CEBPZ: variants seen among roughly 807,000 people sequenced by gnomAD.
CEBPZ encodes the protein CCAAT enhancer binding protein zeta.
In CEBPZ, 78 loss-of-function variants were observed where a neutral mutation model predicts 104.5. That is an observed-to-expected ratio of 0.75 (90% confidence interval 0.62 to 0.90). The LOEUF (loss-of-function observed/expected upper bound fraction) is 0.90. Ranked by LOEUF, CEBPZ falls within the 40% of genes least tolerant of loss-of-function variation. The probability of loss-of-function intolerance (pLI) is 0.00; values close to 1 mark genes in which losing one functional copy is unlikely to be tolerated. For synonymous variants in CEBPZ, 470 were observed against 427.0 expected, an observed-to-expected ratio of 1.10 and a Z score of -1.24; for missense variants, 1,439 against 1,233.5, an observed-to-expected ratio of 1.17 and a Z score of -2.50.
intron 13 of CEBPZ, 97 bp downstream of exon 13, chr2:37,210,902 T>G: frequency 1.5e-6 from 1 of 653,208 alleles, no homozygotes. Context: ...ACCCCTGAAT[T>G]TTATTAATCA....
At chr2:37,221,590 C>A (rs974638749) in intron 4 of CEBPZ, among the ~76,000 whole-genome samples, 3 of 152,154 alleles carry the variant, frequency 2.0e-5, no homozygotes, top group African/African-American at 7.2e-5. Flanking sequence ...AAAGATTTTT[C>A]AGAACAAACT....
chr2:37,213,351 A>T (rs1677785660), intron 10 of CEBPZ: 1 of 153,388 alleles, frequency 6.5e-6, no homozygotes, highest in African/African-American at 2.4e-5. Flanking sequence ...TCCAAAGCAC[A>T]AATCATGTAT....
At position 37,227,947 on chromosome 2, in the gene CEBPZ, T is replaced by C. The variant is rs1664931129; in HGVS notation, c.1246A>G (p.Met416Val). Residue 416 changes from methionine to valine, a missense_variant, in exon 2 of 16, where the codon ATG becomes GTG. Physicochemically the swap from Met to Val is conservative, Grantham distance 21. Coordinates refer to ENST00000234170, the MANE Select transcript of CEBPZ (RefSeq NM_005760.3). ...ACTTCACCAGACACAACTCCTTTCA[T>C]ATTGGGATGTTTACAAAGTAATGTC... ...LETLLCKHPNMKGVVSGEVER... is the reference protein window; with the variant it reads ...LETLLCKHPNVKGVVSGEVER... 1 of 1,614,202 alleles carries C rather than the reference T, an allele frequency of 6.2e-7. No individual in the cohort carries two copies. Among genetic ancestry groups the C allele is most frequent in the South Asian group, 1.1e-5 (1 of 91,084 alleles).
intron 2 of CEBPZ, among the ~76,000 whole-genome samples, chr2:37,224,330 A>T (rs1041358762): frequency 1.3e-5 from 2 of 152,254 alleles, no homozygotes; most frequent in African/African-American, 4.8e-5. Context: ...ACCTGCAGAT[A>T]TTAGGACACC....
chr2:37,206,304 CA>C (rs1460921515), intron 13 of CEBPZ, among the ~76,000 whole-genome samples: 1 of 152,224 alleles, frequency 6.6e-6, no homozygotes, highest in African/African-American at 2.4e-5. Flanking sequence ...GCTGAGAATT[CA>C]CCACTACCAA....
In CEBPZ at chr2:37,223,359, A is replaced by T. The variant is rs367765138; in HGVS notation, c.1692T>A (p.Ala564=). The T allele has an allele frequency of 6.2e-7, 1 of 1,614,182 alleles. No homozygotes were observed. Among genetic ancestry groups the T allele is most frequent in the South Asian group, 1.1e-5 (1 of 91,070 alleles). The part of the protein sequence containing the change: ...DPGLMTCSKQ[A]MFLNLVYKSL... ...ATTTGTAGACAAGGTTAAGAAACATAGCTTGCTTGGAACACGTCATCAACC... is the reference window on the plus strand; with the variant it reads ...ATTTGTAGACAAGGTTAAGAAACATTGCTTGCTTGGAACACGTCATCAACC... Residue 564 remains alanine, a synonymous_variant, in exon 3 of 16, where the codon GCT becomes GCA. Transcript: ENST00000234170.
intron 6 of CEBPZ, 73 bp downstream of exon 6, chr2:37,216,910 TA>T: frequency 8.2e-7 from 1 of 1,213,506 alleles, no homozygotes; most frequent in Non-Finnish European, 1.2e-6. Context: ...GAAAACACTG[TA>T]TGACCAATTA....
chr2:37,222,452 T>C lies in CEBPZ; in HGVS notation c.1993A>G (p.Thr665Ala), dbSNP rs767579496. The change falls in exon 4 of 16, where the codon ACA becomes GCA. Residue 665 changes from threonine (T) to alanine (A), a missense_variant. Coordinates refer to ENST00000234170, the MANE Select transcript of CEBPZ (RefSeq NM_005760.3). Reference sequence around the variant, plus strand: ...GTTTCTACATCAGTTTCAGGAACTGTTTCCTCTGTCTCAAGTTTTTTCACT... The same window carrying C: ...GTTTCTACATCAGTTTCAGGAACTGCTTCCTCTGTCTCAAGTTTTTTCACT... ...EIVKKLETEE[T>A]VPETDVETKK... 7 of 1,611,300 alleles carry C rather than the reference T, an allele frequency of 4.3e-6. No homozygotes were observed. The highest frequency in any genetic ancestry group is 1.7e-6 in the Non-Finnish European group (2 of 1,179,228).
At chr2:37,216,627 T>C (rs1283070433) in intron 6 of CEBPZ, among the ~76,000 whole-genome samples, 1 of 152,244 alleles carries the variant, frequency 6.6e-6, no homozygotes, top group South Asian at 2.1e-4. Context: ...GGATGTAATG[T>C]TGATTTGATG....
chr2:37,213,666 G>A (rs947893561), intron 10 of CEBPZ, 198 bp downstream of exon 10: 2 of 451,840 alleles, frequency 4.4e-6, no homozygotes, highest in South Asian at 2.6e-5. Context: ...TTCCTGCCTC[G>A]GCCTGCCAAA....
intron 12 of CEBPZ, 63 bp from the exon 13 acceptor site, chr2:37,211,145 C>A (rs1572497891): frequency 1.9e-6 from 2 of 1,064,524 alleles, no homozygotes; most frequent in South Asian, 1.4e-5. Flanking sequence ...AAATATTACT[C>A]CAAGATATGC....
Position 37,214,966 on chromosome 2 carries a change from T to A in CEBPZ, c.2381-14A>T. The A allele has an allele frequency of 1.3e-6, 2 of 1,546,468 alleles. No homozygotes were observed. The highest frequency in any genetic ancestry group is 1.4e-5 in the African/African-American group (1 of 73,658). ...CCTTACTGTTCACTACAAAAATAAA[T>A]TTAAACATTTTAACTTCATATAGCA... On this transcript the variant is annotated splice_polypyrimidine_tract_variant and intron_variant, in intron 8 of 15. Coordinates refer to ENST00000234170, the MANE Select transcript of CEBPZ (RefSeq NM_005760.3).
At chr2:37,210,950 C>T (rs1355110317) in intron 13 of CEBPZ, 49 bp downstream of exon 13, 4 of 1,316,620 alleles carry the variant, frequency 3.0e-6, no homozygotes, top group South Asian at 1.3e-5. Context: ...GATAATGACA[C>T]CTTTCACATG....
chr2:37,228,560 C>T lies in CEBPZ; in HGVS notation c.633G>A (p.Lys211=). 4.3e-6 allele frequency: 7 copies of T among 1,614,228 alleles called. No homozygotes were observed. The highest frequency in any genetic ancestry group is 1.1e-5 in the South Asian group (1 of 91,082). The stretch of plus-strand genomic sequence containing the variant: ...ATAAGTTGATTTCATGCTGATACAG[C>T]TTCTGAGCAAGGGTTTTGTACTTAG... ...VVSKYKTLAQ[K]LYQHEINLFK... Residue 211 remains lysine, a synonymous_variant, in exon 2 of 16, where the codon AAG becomes AAA. Transcript: ENST00000234170.
In CEBPZ at chr2:37,227,624, A is replaced by G. The variant is rs34273705; in HGVS notation, c.1569T>C (p.Ser523=). The change falls in exon 2 of 16, where the codon AGT becomes AGC. Residue 523 remains serine, a synonymous_variant. Coordinates refer to ENST00000234170, the MANE Select transcript of CEBPZ (RefSeq NM_005760.3). The part of the protein sequence containing the change: ...KVLHIVNFNT[S]VQALMLLFQV... ...GGAAAAGCAACATTAAAGCCTGGACACTGGTATTAAAATTCACAATATGCA... is the reference window on the plus strand; with the variant it reads ...GGAAAAGCAACATTAAAGCCTGGACGCTGGTATTAAAATTCACAATATGCA... 31,339 of 1,614,100 alleles carry G rather than the reference A, an allele frequency of 0.019. 392 individuals carry two copies. The highest frequency in any genetic ancestry group is 0.05 in the Admixed American group (2,997 of 60,014).
At chr2:37,209,184 G>C (rs1470486695) in intron 13 of CEBPZ, 1 of 152,054 alleles carries the variant, frequency 6.6e-6, no homozygotes, top group South Asian at 2.1e-4. Context: ...GTTCATGGAT[G>C]GGTAGAATCG....
Position 37,228,650 on chromosome 2 carries a change from G to C in CEBPZ, c.543C>G (p.Gly181=). The change falls in exon 2 of 16, where the codon GGC becomes GGG. Residue 181 remains glycine, a synonymous_variant. Transcript: ENST00000234170. Reference sequence around the variant, plus strand: ...TGCTGTACTCCAGATCATACCATTTGCCTCCAGGCCTAAGTAACAAAGTCT... The same window carrying C: ...TGCTGTACTCCAGATCATACCATTTCCCTCCAGGCCTAAGTAACAAAGTCT... The part of the protein sequence containing the change: ...ERQTLLLRPG[G]KWYDLEYSNE... The C allele has an allele frequency of 6.2e-7, 1 of 1,614,068 alleles. No homozygotes were observed. Among genetic ancestry groups the C allele is most frequent in the Non-Finnish European group, 8.5e-7 (1 of 1,180,026 alleles).
chr2:37,214,280 A>T (rs1053930341), intron 9 of CEBPZ, among the ~76,000 whole-genome samples: 8 of 152,174 alleles, frequency 5.3e-5, no homozygotes, highest in African/African-American at 1.9e-4. Flanking sequence ...GATTTTAAAA[A>T]ACAAGCCAAA....
intron 5 of CEBPZ, among the ~76,000 whole-genome samples, chr2:37,218,442 G>A (rs79897619): frequency 0.041 from 6,212 of 152,098 alleles, 711 homozygotes; most frequent in East Asian, 0.37. Flanking sequence ...CTGGCCTCAT[G>A]TGTAGAAAAT....
Sources: gnomAD v4.1 joint callset for allele counts (sites outside exome capture counted in the v4.1 genomes callset) on GRCh38, gnomAD v4.1.1 for gene constraint, MANE v1.5 for transcripts, NCBI Gene and HGNC (gene_info 2026-07-23, HGNC 2026-07-21) for gene names.